The following FRMD4A variants were observed in gnomAD, a reference collection of about 807,000 sequenced individuals.
FRMD4A encodes FERM domain containing 4A, also known as FERM domain-containing protein 4A.
FRMD4A carries 29 observed loss-of-function variants against 129.1 expected under a neutral mutation model. That is an observed-to-expected ratio of 0.22 (90% CI 0.17 to 0.31). FRMD4A has a LOEUF of 0.31. Ranked by LOEUF, FRMD4A falls within the 10% of genes least tolerant of loss-of-function variation. The probability of loss-of-function intolerance (pLI) is 1.00; values close to 1 mark genes in which losing one functional copy is unlikely to be tolerated. For missense variants in FRMD4A, 1,272 were observed against 1,375.8 expected, an observed-to-expected ratio of 0.92 and a Z score of 1.19; for synonymous variants, 634 against 571.6, an observed-to-expected ratio of 1.11 and a Z score of -1.56.
rs182234862 is a variant in FRMD4A at position 14,012,129 on chromosome 10, G to A, written c.46-153217C>T. 1.6e-4 allele frequency among the ~76,000 whole-genome samples: 25 copies of A among 152,086 alleles called. No homozygotes were observed. In the East Asian group the frequency reaches 4.6e-3, roughly 28 times the overall value. Reference sequence around the variant, plus strand: ...CACGGTACCCTCAGCATCCAGGAATGGCCTAATGGCTGCTGGATGTGGGGT... The same window carrying A: ...CACGGTACCCTCAGCATCCAGGAATAGCCTAATGGCTGCTGGATGTGGGGT... On this transcript the variant is annotated intron_variant, in intron 2 of 24. Transcript: ENST00000357447.
intron 16 of FRMD4A, among the ~76,000 whole-genome samples, chr10:13,671,933 G>A (rs184355044): frequency 5.3e-5 from 8 of 152,302 alleles, no homozygotes; most frequent in African/African-American, 1.9e-4. Context: ...CTTTTCTCAG[G>A]AATATCCATC....
intron 2 of FRMD4A, among the ~76,000 whole-genome samples, chr10:13,996,981 T>C (rs1308319599): frequency 3.0e-5 from 4 of 133,518 alleles, no homozygotes; most frequent in South Asian, 2.6e-4. Flanking sequence ...TTGAAAAAAA[T>C]TGAGGCAAAA....
intron 3 of FRMD4A, among the ~76,000 whole-genome samples, chr10:13,858,296 A>T (rs2131035924): frequency 6.6e-6 from 1 of 152,252 alleles, no homozygotes; most frequent in Non-Finnish European, 1.5e-5. Flanking sequence ...TTAGCCAGGA[A>T]TGGTGGCACA....
At chr10:14,077,584 C>T (rs547950693) in intron 2 of FRMD4A, among the ~76,000 whole-genome samples, 5 of 152,232 alleles carry the variant, frequency 3.3e-5, no homozygotes, top group African/African-American at 4.8e-5. Flanking sequence ...GAGTGGTGAG[C>T]GTTTTCCTTG....
At chr10:13,696,946 G>C (rs887896816) in intron 14 of FRMD4A, among the ~76,000 whole-genome samples, 1 of 152,160 alleles carries the variant, frequency 6.6e-6, no homozygotes, top group Admixed American at 6.6e-5. Context: ...TTAGGGCCTG[G>C]CTGTAATTTG....
At chr10:14,089,447 T>TC in intron 2 of FRMD4A, among the ~76,000 whole-genome samples, 1 of 151,572 alleles carries the variant, frequency 6.6e-6, no homozygotes, top group Non-Finnish European at 1.5e-5. Context: ...CAAAGCCCTC[T>TC]CCCCCGCCCT....
At chr10:14,257,584 T>G (rs554885456) in intron 2 of FRMD4A, among the ~76,000 whole-genome samples, 81 of 152,282 alleles carry the variant, frequency 5.3e-4, no homozygotes, top group African/African-American at 1.9e-3. Context: ...TATTTGCAGG[T>G]GTAATTAGTT....
chr10:14,274,532 G>GT (rs1476583646), intron 2 of FRMD4A, among the ~76,000 whole-genome samples: 5 of 152,114 alleles, frequency 3.3e-5, no homozygotes, highest in Non-Finnish European at 7.4e-5. Context: ...GTTCCAGCCA[G>GT]TTCCTGGAAA....
At chr10:13,791,652 G>A (rs530542135) in intron 5 of FRMD4A, among the ~76,000 whole-genome samples, 1 of 152,266 alleles carries the variant, frequency 6.6e-6, no homozygotes, top group South Asian at 2.1e-4. Flanking sequence ...AGTTTTGTTC[G>A]CTGCTCTGTC....
At chr10:13,814,580 CAAAAAAAAAAAAAA>C (rs553044764) in intron 3 of FRMD4A, among the ~76,000 whole-genome samples, 4 of 41,392 alleles carry the variant, frequency 9.7e-5, no homozygotes, top group Middle Eastern at 0.042. Flanking sequence ...GACCCTGTTT[CAAAAAAAAAAAAAA>C]AAAAAAAAAA....
intron 2 of FRMD4A, among the ~76,000 whole-genome samples, chr10:14,075,150 T>C (rs1422267428): frequency 6.6e-6 from 1 of 152,218 alleles, no homozygotes; most frequent in Non-Finnish European, 1.5e-5. Flanking sequence ...TGTTTTAAGT[T>C]ACAATCACAT....
rs533400160 is a variant in FRMD4A at position 13,968,017 on chromosome 10, C to T, written c.46-109105G>A. 1.2e-4 allele frequency among the ~76,000 whole-genome samples: 18 copies of T among 152,304 alleles called. No individual in the cohort carries two copies. The South Asian group carries it at 2.7e-3, about 23-fold the overall frequency. On this transcript the variant is annotated intron_variant, in intron 2 of 24. Transcript: ENST00000357447. ...CCATGATTACACCACTGCACTTCAG[C>T]GGGGGCGCTTAAGACATTTTATACA...
intron 3 of FRMD4A, among the ~76,000 whole-genome samples, chr10:13,819,020 C>T (rs1313335649): frequency 1.1e-4 from 17 of 152,010 alleles, no homozygotes; most frequent in Admixed American, 6.6e-4. Flanking sequence ...CCCAGCTACT[C>T]GAGAGGCTGA....
chr10:13,884,144 T>TCACACACTCACTCACACACACACA (rs773933481), intron 2 of FRMD4A, among the ~76,000 whole-genome samples: 2 of 105,098 alleles, frequency 1.9e-5, no homozygotes, highest in African/African-American at 4.1e-5. Flanking sequence ...TCACACACAC[T>TCACACACTCACTCACACACACACA]CTCACACACT....
intron 2 of FRMD4A, among the ~76,000 whole-genome samples, chr10:14,260,249 C>T (rs1464201722): frequency 6.6e-6 from 1 of 152,154 alleles, no homozygotes; most frequent in Admixed American, 6.5e-5. Flanking sequence ...TGCACGGACT[C>T]TCATGTGCTT....
chr10:14,180,694 T>G (rs1025350818), intron 2 of FRMD4A, among the ~76,000 whole-genome samples: 9 of 152,220 alleles, frequency 5.9e-5, no homozygotes, highest in African/African-American at 1.9e-4. Context: ...TGAGAGTTCC[T>G]AAACTGTGGA....
intron 2 of FRMD4A, among the ~76,000 whole-genome samples, chr10:14,084,705 C>T (rs187945403): frequency 2.8e-3 from 421 of 152,290 alleles, no homozygotes; most frequent in African/African-American, 9.0e-3. Flanking sequence ...TGCCCTAAAT[C>T]GCCCCAGGGC....
At chr10:14,235,315 A>T (rs1458187997) in intron 2 of FRMD4A, among the ~76,000 whole-genome samples, 3 of 145,640 alleles carry the variant, frequency 2.1e-5, no homozygotes, top group African/African-American at 7.6e-5. Flanking sequence ...TGCCCAGCTA[A>T]TTTTTTCTAT....
chr10:13,933,257 T>G (rs1463232865), intron 2 of FRMD4A, among the ~76,000 whole-genome samples: 2 of 151,106 alleles, frequency 1.3e-5, no homozygotes, highest in African/African-American at 4.8e-5. Flanking sequence ...TGTCTTTTCA[T>G]AGGGTGTACA....
Sources: gnomAD v4.1 joint callset for allele counts (sites outside exome capture counted in the v4.1 genomes callset) on GRCh38, gnomAD v4.1.1 for gene constraint, MANE v1.5 for transcripts, NCBI Gene and HGNC (gene_info 2026-07-23, HGNC 2026-07-21) for gene names.